Variants in PLAAT4 observed in about 807,000 individuals in gnomAD.
The protein encoded by PLAAT4 is phospholipase A and acyltransferase 4.
A neutral mutation model predicts 14.1 loss-of-function variants in PLAAT4; 12 were observed. The observed-to-expected ratio is 0.85, with a 90% CI of 0.54 to 1.37. The LOEUF (loss-of-function observed/expected upper bound fraction) is 1.37. Ranked by LOEUF, PLAAT4 falls within the 40% of genes most tolerant of loss-of-function variation. The probability of loss-of-function intolerance (pLI) is 0.00; values close to 1 mark genes in which losing one functional copy is unlikely to be tolerated. For missense variants in PLAAT4, 163 were observed against 211.7 expected, an observed-to-expected ratio of 0.77 and a Z score of 1.43; for synonymous variants, 77 against 79.8, an observed-to-expected ratio of 0.96 and a Z score of 0.19.
At chr11:63,539,475 C>T (rs766894808) in intron 1 of PLAAT4, 41 bp from the exon 2 acceptor site, 1 of 1,552,060 alleles carries the variant, frequency 6.4e-7, no homozygotes, top group East Asian at 2.3e-5. Context: ...CTGCTGTTGC[C>T]TAGAAGGCCG....
chr11:63,537,192 G>GA (rs1344575453), intron 1 of PLAAT4, among the ~76,000 whole-genome samples: 6 of 152,098 alleles, frequency 3.9e-5, no homozygotes, highest in African/African-American at 7.2e-5. Context: ...GTGGGCAGGT[G>GA]GGGGACTCTG....
At position 63,544,645 on chromosome 11, in the gene PLAAT4, C is replaced by T. The variant is rs1441887557; in HGVS notation, c.143C>T (p.Ser48Phe). Residue 48 changes from serine (S) to phenylalanine (F), a missense_variant, in exon 3 of 4, where the codon TCC becomes TTC. Physicochemically the swap from Ser to Phe is radical, Grantham distance 155. Transcript: ENST00000255688. ...GGTGAGTACCCCGGGGCTGGCTCCT[C>T]CAGTGTCTTCTCAGTCCTGAGCAAC... The part of the protein sequence containing the change: ...PPSEYPGAGS[S>F]SVFSVLSNSA... 6.2e-7 allele frequency: 1 copy of T among 1,613,668 alleles called. No homozygotes were observed. Among genetic ancestry groups the T allele is most frequent in the Non-Finnish European group, 8.5e-7 (1 of 1,179,702 alleles).
In PLAAT4 at chr11:63,544,629, C is replaced by G; in HGVS notation, c.127C>G (p.Pro43Ala). The change falls in exon 3 of 4, where the codon CCC becomes GCC. Residue 43 changes from proline to alanine, a missense_variant. Coordinates refer to ENST00000255688, the MANE Select transcript of PLAAT4 (RefSeq NM_004585.5). The stretch of plus-strand genomic sequence containing the variant: ...AGTGCCTCTGATTGCAGGTGAGTAC[C>G]CCGGGGCTGGCTCCTCCAGTGTCTT... ...VIHLAPPSEY[P>A]GAGSSSVFSV... is the part of the protein sequence containing the mutation. The G allele has an allele frequency of 6.2e-7, 1 of 1,612,344 alleles. No homozygotes were observed.
chr11:63,545,587 G>A (rs542452269), intron 3 of PLAAT4, among the ~76,000 whole-genome samples: 7 of 152,152 alleles, frequency 4.6e-5, no homozygotes, highest in Non-Finnish European at 1.0e-4. Flanking sequence ...GGCCCAGGTG[G>A]AGATAAGGCA....
Position 63,538,460 on chromosome 11 carries a change from C to T in PLAAT4, c.10-1056C>T, listed in dbSNP as rs186141410. On this transcript the variant is annotated intron_variant, in intron 1 of 3. Coordinates refer to ENST00000255688, the MANE Select transcript of PLAAT4 (RefSeq NM_004585.5). ...CAAGCACACCAACAAGGAGAAGCTT[C>T]CGGAGTCCACATTGATTGGTTTTAG... 4.9e-5 allele frequency: 16 copies of T among 323,786 alleles called. No homozygotes were observed. In the East Asian group the frequency reaches 1.9e-3, roughly 39 times the overall value. The allele number at this position is 323,786 out of a possible 1,614,324, so 20.1% of individuals were successfully genotyped here.
chr11:63,537,158 C>T (rs1350388513), intron 1 of PLAAT4, among the ~76,000 whole-genome samples: 11 of 152,150 alleles, frequency 7.2e-5, no homozygotes. Context: ...TCAAATCTAC[C>T]TCAGCCTGAG....
chr11:63,537,883 G>C (rs1242447462), intron 1 of PLAAT4, among the ~76,000 whole-genome samples: 1 of 152,176 alleles, frequency 6.6e-6, no homozygotes, highest in Non-Finnish European at 1.5e-5. Context: ...CTGCCTGCCT[G>C]GAGCTCACAG....
chr11:63,540,708 C>T (rs374782648), intron 2 of PLAAT4, among the ~76,000 whole-genome samples: 40 of 152,134 alleles, frequency 2.6e-4, no homozygotes, highest in African/African-American at 9.7e-4. Flanking sequence ...CATCTGTAAT[C>T]CCAGCTACTC....
chr11:63,540,940 G>T (rs1442653387), intron 2 of PLAAT4, among the ~76,000 whole-genome samples: 1 of 152,212 alleles, frequency 6.6e-6, no homozygotes, highest in Admixed American at 6.5e-5. Context: ...AACTTCTCAT[G>T]TTCTCTTTTC....
chr11:63,538,168 G>A (rs1033608489), intron 1 of PLAAT4, among the ~76,000 whole-genome samples: 1 of 152,138 alleles, frequency 6.6e-6, no homozygotes, highest in African/African-American at 2.4e-5. Context: ...GTCACTCAGT[G>A]GGCCTGTGGG....
At chr11:63,542,959 A>G (rs894459348) in intron 2 of PLAAT4, among the ~76,000 whole-genome samples, 16 of 152,222 alleles carry the variant, frequency 1.1e-4, no homozygotes, top group African/African-American at 3.6e-4. Flanking sequence ...ATTTTATTAA[A>G]TTAATAACCC....
intron 2 of PLAAT4, among the ~76,000 whole-genome samples, chr11:63,543,612 T>C (rs1329198510): frequency 3.3e-5 from 5 of 152,194 alleles, no homozygotes; most frequent in African/African-American, 9.7e-5. Context: ...GCCAACAGGA[T>C]TTTCTTAAGA....
rs371119100 is a variant in PLAAT4 at position 63,544,674 on chromosome 11, G to A, written c.172G>A (p.Ala58Thr). ...SSVFSVLSNS[A>T]EVKRERLEDV... ...TGTCTTCTCAGTCCTGAGCAACAGT[G>A]CAGAGGTGAAACGGGAGCGCCTGGA... The change falls in exon 3 of 4, where the codon GCA becomes ACA. Residue 58 changes from alanine to threonine, a missense_variant. By Grantham distance (58) the Ala-to-Thr change is moderately conservative. Transcript: ENST00000255688. 37 of 1,614,050 alleles carry A rather than the reference G, an allele frequency of 2.3e-5. No individual in the cohort carries two copies. In the African/African-American group the frequency reaches 4.0e-4, roughly 17 times the overall value.
chr11:63,545,812 C>T (rs953232134), intron 3 of PLAAT4, among the ~76,000 whole-genome samples: 3 of 152,098 alleles, frequency 2.0e-5, no homozygotes, highest in Non-Finnish European at 4.4e-5. Context: ...CCCTAGGAAG[C>T]GAGGCACAAA....
At chr11:63,537,704 C>G (rs1464866205) in intron 1 of PLAAT4, among the ~76,000 whole-genome samples, 1 of 152,220 alleles carries the variant, frequency 6.6e-6, no homozygotes, top group Non-Finnish European at 1.5e-5. Context: ...TCTCTCTCCC[C>G]ACATGGAAAC....
At chr11:63,543,549 C>T (rs947238201) in intron 2 of PLAAT4, among the ~76,000 whole-genome samples, 1 of 152,244 alleles carries the variant, frequency 6.6e-6, no homozygotes, top group African/African-American at 2.4e-5. Flanking sequence ...AAGTGGTCCA[C>T]CTGTTTAGGC....
intron 2 of PLAAT4, among the ~76,000 whole-genome samples, chr11:63,539,880 G>C (rs1468132152): frequency 1.3e-5 from 2 of 152,220 alleles, no homozygotes; most frequent in Non-Finnish European, 2.9e-5. Flanking sequence ...AGAATCACTT[G>C]ATCCCCGGAG....
chr11:63,544,713 G>C lies in PLAAT4; in HGVS notation c.211G>C (p.Gly71Arg). Reference sequence around the variant, plus strand: ...GGAGCGCCTGGAAGATGTGGTGGGAGGCTGTTGCTATCGGGTCAACAACAG... The same window carrying C: ...GGAGCGCCTGGAAGATGTGGTGGGACGCTGTTGCTATCGGGTCAACAACAG... ...KRERLEDVVG[G>R]CCYRVNNSLD... Residue 71 changes from glycine (G) to arginine (R), a missense_variant, in exon 3 of 4, where the codon GGC (glycine) becomes CGC (arginine). By Grantham distance (125) the Gly-to-Arg change is moderately radical. Coordinates refer to ENST00000255688, the MANE Select transcript of PLAAT4 (RefSeq NM_004585.5). The C allele has an allele frequency of 6.2e-7, 1 of 1,614,208 alleles. No homozygotes were observed.
chr11:63,545,268 G>A (rs776480199), intron 3 of PLAAT4: 23 of 471,890 alleles, frequency 4.9e-5, no homozygotes, highest in Middle Eastern at 5.4e-4. Context: ...CTCAGGGTCC[G>A]TGGACCTGTG....
Sources: gnomAD v4.1 joint callset for allele counts (sites outside exome capture counted in the v4.1 genomes callset) on GRCh38, gnomAD v4.1.1 for gene constraint, MANE v1.5 for transcripts, NCBI Gene and HGNC (gene_info 2026-07-23, HGNC 2026-07-21) for gene names.